ZDHHC14: variants seen among roughly 807,000 people sequenced by gnomAD.
The protein encoded by ZDHHC14 is palmitoyltransferase ZDHHC14.
A neutral mutation model predicts 47.7 loss-of-function variants in ZDHHC14; 16 were observed. That is an observed-to-expected ratio of 0.34 (90% CI 0.23 to 0.51). The LOEUF (loss-of-function observed/expected upper bound fraction) is 0.51, where lower values mean the gene tolerates loss of function less well. ZDHHC14 is among the 20% of genes least tolerant of loss of function. ZDHHC14 has a pLI of 0.97. For synonymous variants in ZDHHC14, 293 were observed against 278.9 expected (o/e 1.05, Z -0.50); for missense variants, 515 against 662.5 (o/e 0.78, Z 2.44).
chr6:157,518,585 GCCC>G (rs891352273), intron 1 of ZDHHC14, among the ~76,000 whole-genome samples: 13 of 152,198 alleles, frequency 8.5e-5, no homozygotes, highest in African/African-American at 2.4e-4. Context: ...ACACCCAACC[GCCC>G]CGGTGCACCA....
intron 8 of ZDHHC14, among the ~76,000 whole-genome samples, chr6:157,664,942 G>C (rs994024097): frequency 6.6e-6 from 1 of 152,174 alleles, no homozygotes; most frequent in African/African-American, 2.4e-5. Flanking sequence ...TTGCCCTGGA[G>C]ATCCAGCCAC....
At chr6:157,477,241 G>C (rs187134442) in intron 1 of ZDHHC14, among the ~76,000 whole-genome samples, 4 of 152,176 alleles carry the variant, frequency 2.6e-5, no homozygotes, top group Non-Finnish European at 5.9e-5. Flanking sequence ...TTAGCTGGGC[G>C]TGGTGGTGTG....
chr6:157,458,219 C>T lies in ZDHHC14; in HGVS notation c.245+75953C>T, dbSNP rs1035740670. On this transcript the variant is annotated intron_variant, in intron 1 of 8. Transcript: ENST00000359775. ...GTAATTTTATGTGATTGCTAACAAACATCTTTTTCCTCTTCATAGTTCCCA... is the reference window on the plus strand; with the variant it reads ...GTAATTTTATGTGATTGCTAACAAATATCTTTTTCCTCTTCATAGTTCCCA... Among the ~76,000 whole-genome samples, 6 of 152,176 alleles carry T rather than the reference C, an allele frequency of 3.9e-5. No homozygotes were observed. In the East Asian group the frequency reaches 1.2e-3, roughly 29 times the overall value.
intron 1 of ZDHHC14, among the ~76,000 whole-genome samples, chr6:157,391,255 C>T (rs1397620474): frequency 6.6e-6 from 1 of 152,132 alleles, no homozygotes; most frequent in Non-Finnish European, 1.5e-5. Context: ...TTTTGGGTCA[C>T]TGGGGAGTTG....
At chr6:157,597,597 C>G (rs1784181329) in intron 3 of ZDHHC14, among the ~76,000 whole-genome samples, 1 of 152,268 alleles carries the variant, frequency 6.6e-6, no homozygotes, top group African/African-American at 2.4e-5. Context: ...TGGCCAGACC[C>G]AGGCAGCTTA....
intron 1 of ZDHHC14, among the ~76,000 whole-genome samples, chr6:157,399,446 A>G (rs904439363): frequency 6.6e-6 from 1 of 152,226 alleles, no homozygotes; most frequent in African/African-American, 2.4e-5. Context: ...TTGTGTATAT[A>G]TGCCCTGTCT....
At chr6:157,636,422 A>G (rs755480022) in intron 5 of ZDHHC14, among the ~76,000 whole-genome samples, 1 of 151,870 alleles carries the variant, frequency 6.6e-6, no homozygotes, top group Non-Finnish European at 1.5e-5. Flanking sequence ...TGTCCTCCCC[A>G]GAGTTCAGGT....
At chr6:157,546,618 G>T (rs149107786) in intron 2 of ZDHHC14, among the ~76,000 whole-genome samples, 1,605 of 152,280 alleles carry the variant, frequency 0.011, 18 homozygotes, top group Non-Finnish European at 0.018. Context: ...GCAGCAGGGG[G>T]CCAGGGAAGC....
Position 157,409,267 on chromosome 6 carries a change from G to A in ZDHHC14, c.245+27001G>A, listed in dbSNP as rs79714260. Among the ~76,000 whole-genome samples the A allele has an allele frequency of 5.9e-5, 9 of 152,206 alleles. No individual in the cohort carries two copies. In the East Asian group the frequency reaches 7.7e-4, roughly 13 times the overall value. On this transcript the variant is annotated intron_variant, in intron 1 of 8. Coordinates refer to ENST00000359775, the MANE Select transcript of ZDHHC14 (RefSeq NM_024630.3). ...GATGTGGGTGTGTTGAATCCACACC[G>A]GGGGTGCGGACCTCTGAGGCTGGGC...
chr6:157,538,769 G>T (rs1161299711), intron 1 of ZDHHC14, among the ~76,000 whole-genome samples: 1 of 152,206 alleles, frequency 6.6e-6, no homozygotes, highest in East Asian at 1.9e-4. Context: ...TCAGGAAGCG[G>T]TATTGAGCTG....
chr6:157,563,442 C>G (rs1308856191), intron 2 of ZDHHC14, among the ~76,000 whole-genome samples: 6 of 152,208 alleles, frequency 3.9e-5, no homozygotes, highest in African/African-American at 7.2e-5. Flanking sequence ...GTTTCTTCCC[C>G]CTTCCCGGAG....
chr6:157,663,174 CT>C (rs1778414962), intron 8 of ZDHHC14, among the ~76,000 whole-genome samples: 1 of 152,242 alleles, frequency 6.6e-6, no homozygotes, highest in Non-Finnish European at 1.5e-5. Context: ...GGAAGAAGTC[CT>C]TTTGGTCTCA....
chr6:157,548,710 TGCTGGGATTACAGGCTTG>T (rs71809353), intron 2 of ZDHHC14, among the ~76,000 whole-genome samples: 6,709 of 152,272 alleles, frequency 0.044, 507 homozygotes, highest in African/African-American at 0.15. Flanking sequence ...CCTCCCAAAG[TGCTGGGATTACAGGCTTG>T]AGCCACTGCA....
chr6:157,558,450 G>A (rs1782569153), intron 2 of ZDHHC14, among the ~76,000 whole-genome samples: 1 of 152,198 alleles, frequency 6.6e-6, no homozygotes, highest in Non-Finnish European at 1.5e-5. Flanking sequence ...GTAGCCAATC[G>A]AGAGGGCTGA....
At chr6:157,670,007 G>A (rs1168820699) in intron 8 of ZDHHC14, among the ~76,000 whole-genome samples, 2 of 152,252 alleles carry the variant, frequency 1.3e-5, no homozygotes, top group Non-Finnish European at 2.9e-5. Flanking sequence ...CAATGAGGCT[G>A]CTCTGCCTCT....
chr6:157,587,406 G>C (rs1215005030), intron 2 of ZDHHC14, among the ~76,000 whole-genome samples: 1 of 152,136 alleles, frequency 6.6e-6, no homozygotes, highest in African/African-American at 2.4e-5. Flanking sequence ...CTCTTCTTAA[G>C]GCCCCTGCTT....
Position 157,586,938 on chromosome 6 carries a change from C to T in ZDHHC14, c.407-6050C>T, listed in dbSNP as rs1783720473. 6.6e-6 allele frequency among the ~76,000 whole-genome samples: 1 copy of T among 152,136 alleles called. No homozygotes were observed. Among genetic ancestry groups the T allele is most frequent in the African/African-American group, 2.4e-5 (1 of 41,434 alleles). ...GAGGTTCAATCTTTTAAAAAATGCA[C>T]TTTGGAACTAAAGATCAATAGAGTT... is the stretch of plus-strand genomic sequence containing the variant. On this transcript the variant is annotated intron_variant, in intron 2 of 8. Coordinates refer to ENST00000359775, the MANE Select transcript of ZDHHC14 (RefSeq NM_024630.3). The surrounding 1 kb of genome is among the most constrained non-coding windows in gnomAD (Gnocchi z 4.6).
At chr6:157,465,510 T>TA (rs1253465905) in intron 1 of ZDHHC14, among the ~76,000 whole-genome samples, 1 of 151,928 alleles carries the variant, frequency 6.6e-6, no homozygotes, top group Non-Finnish European at 1.5e-5. Flanking sequence ...GGAAATGAAA[T>TA]AAAATGGATG....
intron 2 of ZDHHC14, among the ~76,000 whole-genome samples, chr6:157,592,323 T>A (rs1783938547): frequency 6.6e-6 from 1 of 152,228 alleles, no homozygotes; most frequent in Admixed American, 6.5e-5. Flanking sequence ...TGATAAAATG[T>A]AGAAATGATT....
Sources: gnomAD v4.1 joint callset for allele counts (sites outside exome capture counted in the v4.1 genomes callset) on GRCh38, gnomAD v4.1.1 for gene constraint, Gnocchi (gnomAD v3.1) non-coding constraint, MANE v1.5 for transcripts, NCBI Gene and HGNC (gene_info 2026-07-23, HGNC 2026-07-21) for gene names.